The following ATXN1 variants were observed in gnomAD, a reference collection of about 807,000 sequenced individuals.
ATXN1 encodes the protein ataxin-1.
ATXN1 carries 8 observed loss-of-function variants against 56.4 expected under a neutral mutation model. The ratio of observed to expected loss-of-function variants is 0.14; its 90% CI spans 0.08 to 0.26. The LOEUF is 0.26. ATXN1 is among the 10% of genes least tolerant of loss of function. The probability of loss-of-function intolerance (pLI) is 1.00; values close to 1 mark genes in which losing one functional copy is unlikely to be tolerated. For synonymous variants in ATXN1, 514 were observed against 494.6 expected (o/e 1.04, Z -0.52); for missense variants, 987 against 1,106.5 (o/e 0.89, Z 1.53).
At chr6:16,577,680 C>T (rs1479534885) in intron 4 of ATXN1, among the ~76,000 whole-genome samples, 1 of 152,006 alleles carries the variant, frequency 6.6e-6, no homozygotes, top group Non-Finnish European at 1.5e-5. Flanking sequence ...AAAAATAATT[C>T]ATATGAATTT....
chr6:16,527,640 T>C (rs1461275639), intron 4 of ATXN1, among the ~76,000 whole-genome samples: 1 of 152,102 alleles, frequency 6.6e-6, no homozygotes, highest in East Asian at 1.9e-4. Context: ...TGGTAATTTG[T>C]GGTGGGGGTC....
chr6:16,647,094 TC>T (rs1180242246), intron 3 of ATXN1, among the ~76,000 whole-genome samples: 1 of 152,140 alleles, frequency 6.6e-6, no homozygotes, highest in Admixed American at 6.5e-5. Context: ...AACCTCCACC[TC>T]CCAGGTTCAA....
At chr6:16,627,902 C>G (rs1399041718) in intron 3 of ATXN1, among the ~76,000 whole-genome samples, 1 of 152,146 alleles carries the variant, frequency 6.6e-6, no homozygotes, top group African/African-American at 2.4e-5. Context: ...TGAAGAATGG[C>G]TCCATACATT....
chr6:16,306,142 CACTCG>C lies in ATXN1; in HGVS notation c.*182_*186del. Reference sequence around the variant, plus strand: ...TTCCTCCCGCCCGCTCACTGACAGACACTCGTGGAAAAAGCATATGCACCAGTCTC... The same window carrying C: ...TTCCTCCCGCCCGCTCACTGACAGACTGGAAAAAGCATATGCACCAGTCTC... On this transcript the variant is annotated 3_prime_UTR_variant, in exon 8 of 8. Transcript: ENST00000436367. This position sits in a 1 kb window ranked among gnomAD's most constrained non-coding sequence, Gnocchi z 5.2. 1 of 680,404 alleles carries C rather than the reference CACTCG, an allele frequency of 1.5e-6. No individual in the cohort carries two copies. 42.1% of individuals were successfully genotyped at this position (680,404 alleles called of 1,614,324 possible). A position where few individuals can be genotyped will look rare whatever the true frequency, so the allele number is the denominator to read the frequency against.
chr6:16,628,391 A>G (rs1403922461), intron 3 of ATXN1, among the ~76,000 whole-genome samples: 1 of 152,228 alleles, frequency 6.6e-6, no homozygotes, highest in African/African-American at 2.4e-5. Flanking sequence ...TACTGGCAAT[A>G]AAGAATACTA....
chr6:16,392,205 G>A (rs569240925), intron 6 of ATXN1, among the ~76,000 whole-genome samples: 1 of 152,336 alleles, frequency 6.6e-6, no homozygotes, highest in South Asian at 2.1e-4. Flanking sequence ...CTGTCAGGCT[G>A]TTTAATTTGG....
chr6:16,701,691 CA>C (rs1759288271), intron 2 of ATXN1, among the ~76,000 whole-genome samples: 1 of 144,298 alleles, frequency 6.9e-6, no homozygotes, highest in South Asian at 2.2e-4. Context: ...ACACCACTAA[CA>C]GACAAACAGA....
At chr6:16,454,112 C>A (rs527372581) in intron 6 of ATXN1, among the ~76,000 whole-genome samples, 1 of 117,370 alleles carries the variant, frequency 8.5e-6, no homozygotes, top group Non-Finnish European at 1.6e-5. Flanking sequence ...GCAATAAGAG[C>A]GAGACTCTGT....
chr6:16,299,791 G>A lies in ATXN1; in HGVS notation c.*6538C>T, dbSNP rs1420879845. On this transcript the variant is annotated 3_prime_UTR_variant, in exon 8 of 8. Transcript: ENST00000436367. Reference sequence around the variant, plus strand: ...ACCTCCTTTCGGCTGACACTAATTTGGGTTTAGAGTTGAGCAGTTCAGGCT... The same window carrying A: ...ACCTCCTTTCGGCTGACACTAATTTAGGTTTAGAGTTGAGCAGTTCAGGCT... The A allele has an allele frequency of 2.0e-5, 3 of 152,628 alleles. No homozygotes were observed. 9.5% of individuals were successfully genotyped at this position (152,628 alleles called of 1,614,324 possible).
chr6:16,558,125 A>C (rs922651832), intron 4 of ATXN1, among the ~76,000 whole-genome samples: 5 of 152,034 alleles, frequency 3.3e-5, no homozygotes, highest in Non-Finnish European at 5.9e-5. Flanking sequence ...TGAATAGATT[A>C]AAAACCCATT....
intron 6 of ATXN1, among the ~76,000 whole-genome samples, chr6:16,446,058 C>G (rs1759629016): frequency 2.0e-5 from 3 of 151,722 alleles, no homozygotes; most frequent in Admixed American, 2.0e-4. Flanking sequence ...ATGGCTGGGT[C>G]AAATGGTATT....
rs114317491 is a variant in ATXN1 at position 16,539,690 on chromosome 6, G to A, written c.-360-17002C>T. Among the ~76,000 whole-genome samples, 493 of 152,268 alleles carry A rather than the reference G, an allele frequency of 3.2e-3. 3 individuals carry two copies. The highest frequency in any genetic ancestry group is 0.011 in the African/African-American group (464 of 41,556). ...ATTCTATAACCAGGGATCCACCTCT[G>A]TGGCTTAGTCATCGGATCAGCCTCA... is the stretch of plus-strand genomic sequence containing the variant. On this transcript the variant is annotated intron_variant, in intron 4 of 7. Transcript: ENST00000436367.
intron 6 of ATXN1, among the ~76,000 whole-genome samples, chr6:16,400,182 A>G (rs935756415): frequency 2.0e-5 from 3 of 152,202 alleles, no homozygotes; most frequent in Non-Finnish European, 2.9e-5. Context: ...TTCACTCAGT[A>G]TTAATTATTT....
chr6:16,514,065 C>T (rs376826008), intron 5 of ATXN1, among the ~76,000 whole-genome samples: 58 of 152,174 alleles, frequency 3.8e-4, no homozygotes, highest in African/African-American at 1.3e-3. Context: ...ACAGCCGTAG[C>T]GTCTCTCATT....
intron 2 of ATXN1, among the ~76,000 whole-genome samples, chr6:16,703,300 G>A (rs1759328806): frequency 1.3e-5 from 2 of 152,146 alleles, no homozygotes; most frequent in South Asian, 4.1e-4. Context: ...TTGGGCACAG[G>A]AAGGGGAACA....
In ATXN1 at chr6:16,584,371, AT is replaced by A. The variant is rs201353412; in HGVS notation, c.-361+1408del. 5.8e-3 allele frequency among the ~76,000 whole-genome samples: 874 copies of A among 151,552 alleles called. 9 individuals are homozygous for A. The highest frequency in any genetic ancestry group is 0.02 in the African/African-American group (825 of 41,396). On this transcript the variant is annotated intron_variant, in intron 4 of 7. Transcript: ENST00000436367. ...TAACTTCAGATACATATCTAATAAA[AT>A]TTTTTTATTAAATACCTTTTTGCTC... is the stretch of plus-strand genomic sequence containing the variant.
intron 2 of ATXN1, among the ~76,000 whole-genome samples, chr6:16,664,487 G>C (rs907966955): frequency 6.6e-6 from 1 of 152,040 alleles, no homozygotes; most frequent in Admixed American, 6.5e-5. Flanking sequence ...AAAATTAAAA[G>C]GAGGATAAAA....
At chr6:16,623,597 T>G (rs1763356847) in intron 3 of ATXN1, among the ~76,000 whole-genome samples, 1 of 152,148 alleles carries the variant, frequency 6.6e-6, no homozygotes. Flanking sequence ...ATGAAGACAT[T>G]TAAATTAAAG....
At chr6:16,479,917 C>T (rs369614687) in intron 6 of ATXN1, among the ~76,000 whole-genome samples, 1 of 151,924 alleles carries the variant, frequency 6.6e-6, no homozygotes, top group African/African-American at 2.4e-5. Context: ...TTTGGGAAGC[C>T]GAGGTGGGCA....
Sources: allele counts gnomAD v4.1 joint callset (sites outside exome capture counted in the v4.1 genomes callset), GRCh38; gene constraint gnomAD v4.1.1; non-coding constraint Gnocchi (gnomAD v3.1); transcripts MANE v1.5; gene names NCBI Gene and HGNC (gene_info 2026-07-23, HGNC 2026-07-21).